The following GRIN3A variants were observed in gnomAD, a reference collection of about 807,000 sequenced individuals.
The protein encoded by GRIN3A is glutamate ionotropic receptor NMDA type subunit 3A.
GRIN3A carries 47 observed loss-of-function variants against 92.4 expected under a neutral mutation model. That is an observed-to-expected ratio of 0.51 (90% CI 0.40 to 0.65). The LOEUF is 0.65. GRIN3A is among the 30% of genes least tolerant of loss of function. GRIN3A has a pLI of 0.00. For synonymous variants in GRIN3A, 527 were observed against 540.6 expected (o/e 0.97, Z 0.35); for missense variants, 1,324 against 1,393.1 (o/e 0.95, Z 0.79).
chr9:101,635,013 A>G (rs765502081), intron 3 of GRIN3A, among the ~76,000 whole-genome samples: 12 of 152,246 alleles, frequency 7.9e-5, no homozygotes, highest in Non-Finnish European at 1.6e-4. Flanking sequence ...ATTACTAAGT[A>G]CATCTTATGC....
At chr9:101,640,360 C>G (rs569044815) in intron 3 of GRIN3A, among the ~76,000 whole-genome samples, 100 of 152,320 alleles carry the variant, frequency 6.6e-4, no homozygotes, top group Non-Finnish European at 8.1e-4. Context: ...GTAAAAAAGA[C>G]ACTTTCCTTC....
At chr9:101,577,708 G>T in intron 8 of GRIN3A, 60 bp downstream of exon 8, 1 of 1,178,506 alleles carries the variant, frequency 8.5e-7, no homozygotes. Flanking sequence ...TAATTATACA[G>T]TTAGATCTCT....
intron 5 of GRIN3A, among the ~76,000 whole-genome samples, chr9:101,616,320 C>T (rs1194890536): frequency 1.3e-5 from 2 of 152,102 alleles, no homozygotes; most frequent in East Asian, 3.9e-4. Flanking sequence ...TAATAAATTA[C>T]CCATTATATT....
chr9:101,716,653 G>C (rs1435680289), intron 1 of GRIN3A, among the ~76,000 whole-genome samples: 3 of 152,052 alleles, frequency 2.0e-5, no homozygotes, highest in African/African-American at 7.2e-5. Flanking sequence ...TACTTGTTAT[G>C]ATTACAGGCC....
intron 4 of GRIN3A, among the ~76,000 whole-genome samples, chr9:101,626,479 G>A (rs376487001): frequency 7.2e-5 from 11 of 152,132 alleles, no homozygotes; most frequent in African/African-American, 2.7e-4. Flanking sequence ...GTGGTTGCGG[G>A]AAGTGGTGGC....
intron 6 of GRIN3A, among the ~76,000 whole-genome samples, chr9:101,601,462 G>A (rs1828209880): frequency 6.6e-6 from 1 of 152,222 alleles, no homozygotes; most frequent in South Asian, 2.1e-4. Context: ...AGCCTGAGCT[G>A]GGATGCAAGA....
chr9:101,658,461 A>G (rs1829120615), intron 3 of GRIN3A, among the ~76,000 whole-genome samples: 1 of 151,890 alleles, frequency 6.6e-6, no homozygotes, highest in South Asian at 2.1e-4. Context: ...ATTCATTTAC[A>G]TTCTTATTTG....
chr9:101,619,695 A>C (rs182812125), intron 5 of GRIN3A, among the ~76,000 whole-genome samples: 2 of 152,346 alleles, frequency 1.3e-5, no homozygotes, highest in Admixed American at 6.5e-5. Context: ...AATTATTGGA[A>C]AGCAAGTAAA....
chr9:101,674,442 G>A (rs960422076), intron 2 of GRIN3A, among the ~76,000 whole-genome samples: 3 of 152,000 alleles, frequency 2.0e-5, no homozygotes, highest in African/African-American at 7.2e-5. Flanking sequence ...GAAATGGAGA[G>A]GAGATGGTAT....
chr9:101,630,824 A>G (rs1828700897), intron 3 of GRIN3A, among the ~76,000 whole-genome samples: 1 of 152,224 alleles, frequency 6.6e-6, no homozygotes, highest in African/African-American at 2.4e-5. Context: ...TATTTTCTGT[A>G]ACTTGCAGAC....
chr9:101,608,068 T>A (rs961954230), intron 6 of GRIN3A, among the ~76,000 whole-genome samples: 9 of 152,212 alleles, frequency 5.9e-5, no homozygotes, highest in African/African-American at 2.2e-4. Flanking sequence ...TGTACCCAGG[T>A]AAGCATCATT....
chr9:101,671,540 T>C (rs577544044), intron 2 of GRIN3A, among the ~76,000 whole-genome samples: 2 of 152,334 alleles, frequency 1.3e-5, no homozygotes, highest in South Asian at 4.1e-4. Flanking sequence ...TCTATGTATC[T>C]ATCGATCTAT....
intron 1 of GRIN3A, among the ~76,000 whole-genome samples, chr9:101,712,648 A>G (rs1251078563): frequency 5.3e-5 from 8 of 152,220 alleles, no homozygotes; most frequent in African/African-American, 1.9e-4. Context: ...AATATCAAAT[A>G]AGACACAAAA....
intron 1 of GRIN3A, among the ~76,000 whole-genome samples, chr9:101,705,004 C>T (rs1021998916): frequency 6.6e-6 from 1 of 152,074 alleles, no homozygotes; most frequent in Non-Finnish European, 1.5e-5. Context: ...TAAGATAATA[C>T]ATTTGATAAG....
At chr9:101,662,737 C>A (rs1333479061) in intron 3 of GRIN3A, among the ~76,000 whole-genome samples, 1 of 151,740 alleles carries the variant, frequency 6.6e-6, no homozygotes, top group African/African-American at 2.4e-5. Context: ...TATTCAGTCT[C>A]CCAACTTGGT....
chr9:101,599,024 A>G (rs1229511020), intron 6 of GRIN3A, among the ~76,000 whole-genome samples: 1 of 152,212 alleles, frequency 6.6e-6, no homozygotes, highest in Non-Finnish European at 1.5e-5. Context: ...GTTAGGAGGT[A>G]GGAAAGGGTA....
In GRIN3A at chr9:101,572,679, C is replaced by G. The variant is rs1165077653; in HGVS notation, c.*495G>C. 5.8e-6 allele frequency: 1 copy of G among 171,710 alleles called. No homozygotes were observed. Among genetic ancestry groups the G allele is most frequent in the Non-Finnish European group, 1.3e-5 (1 of 77,946 alleles). 10.6% of individuals were successfully genotyped at this position (171,710 alleles called of 1,614,324 possible). Reference sequence around the variant, plus strand: ...TACCCCACCCCCAGTGGGAGGTGCTCTGCTCTTACCTGCTCCCCATTCAGA... The same window carrying G: ...TACCCCACCCCCAGTGGGAGGTGCTGTGCTCTTACCTGCTCCCCATTCAGA... On this transcript the variant is annotated 3_prime_UTR_variant, in exon 9 of 9. Coordinates refer to ENST00000361820, the MANE Select transcript of GRIN3A (RefSeq NM_133445.3).
chr9:101,599,494 T>A (rs986834113), intron 6 of GRIN3A, among the ~76,000 whole-genome samples: 21 of 152,206 alleles, frequency 1.4e-4, no homozygotes, highest in African/African-American at 4.1e-4. Flanking sequence ...AAATGATTCT[T>A]AGTAATTTCC....
chr9:101,679,924 A>G (rs1405242594), intron 2 of GRIN3A, among the ~76,000 whole-genome samples: 2 of 152,224 alleles, frequency 1.3e-5, no homozygotes, highest in African/African-American at 4.8e-5. Flanking sequence ...TAAGAAAATT[A>G]CTGTATGCAG....
Sources: allele counts gnomAD v4.1 joint callset (sites outside exome capture counted in the v4.1 genomes callset), GRCh38; gene constraint gnomAD v4.1.1; transcripts MANE v1.5; gene names NCBI Gene and HGNC (gene_info 2026-07-23, HGNC 2026-07-21).